The following PTPRN2 variants were observed in gnomAD, a reference collection of about 807,000 sequenced individuals.
The protein encoded by PTPRN2 is protein tyrosine phosphatase receptor type N2.
In PTPRN2, 74 loss-of-function variants were observed where a neutral mutation model predicts 118.8. The ratio of observed to expected loss-of-function variants is 0.62; its 90% CI spans 0.52 to 0.76. The LOEUF is 0.76. Among genes scored for constraint, PTPRN2 ranks in the 30% least tolerant of loss-of-function variants. The probability of loss-of-function intolerance (pLI) is 0.00; values close to 1 mark genes in which losing one functional copy is unlikely to be tolerated. For synonymous variants in PTPRN2, 641 were observed against 608.0 expected (o/e 1.05, Z -0.80); for missense variants, 1,481 against 1,394.4 (o/e 1.06, Z -0.99).
At chr7:158,196,562 C>T (rs898699942) in intron 4 of PTPRN2, among the ~76,000 whole-genome samples, 3 of 129,990 alleles carry the variant, frequency 2.3e-5, no homozygotes, top group Non-Finnish European at 4.8e-5. Context: ...CGGCCAAACC[C>T]GTCTCTTCAC....
At chr7:158,200,284 T>C (rs1826531375) in intron 4 of PTPRN2, among the ~76,000 whole-genome samples, 1 of 152,210 alleles carries the variant, frequency 6.6e-6, no homozygotes, top group African/African-American at 2.4e-5. Flanking sequence ...CCTACTCATT[T>C]AGGAAAATGG....
intron 14 of PTPRN2, among the ~76,000 whole-genome samples, chr7:157,642,462 G>A (rs1362791567): frequency 6.6e-6 from 1 of 152,200 alleles, no homozygotes; most frequent in Middle Eastern, 3.2e-3. Context: ...TAAACCTGCA[G>A]ATGCAGGAGT....
At chr7:158,092,061 G>A (rs1585410598) in intron 10 of PTPRN2, among the ~76,000 whole-genome samples, 1 of 146,966 alleles carries the variant, frequency 6.8e-6, no homozygotes, top group Non-Finnish European at 1.5e-5. Flanking sequence ...GTGATGGATA[G>A]GTAGAGAGAT....
chr7:157,999,171 G>A (rs1028262301), intron 11 of PTPRN2, among the ~76,000 whole-genome samples: 4 of 151,994 alleles, frequency 2.6e-5, no homozygotes, highest in Non-Finnish European at 4.4e-5. Context: ...TGCACTGACC[G>A]GCTTTTATTT....
intron 13 of PTPRN2, among the ~76,000 whole-genome samples, chr7:157,672,582 T>C (rs1477886678): frequency 6.6e-6 from 1 of 152,200 alleles, no homozygotes; most frequent in Non-Finnish European, 1.5e-5. Flanking sequence ...TGCGTTATTG[T>C]CCACTCTCCT....
intron 6 of PTPRN2, among the ~76,000 whole-genome samples, chr7:158,149,159 T>A (rs1820610333): frequency 6.6e-6 from 1 of 150,666 alleles, no homozygotes; most frequent in Non-Finnish European, 1.5e-5. Context: ...TCCCCCTCAG[T>A]GACACCCCAT....
intron 3 of PTPRN2, among the ~76,000 whole-genome samples, chr7:158,230,556 T>C (rs532938596): frequency 1.3e-5 from 2 of 152,322 alleles, no homozygotes; most frequent in East Asian, 3.9e-4. Context: ...TTTCATTTTT[T>C]TCTTTGTTTC....
In PTPRN2 at chr7:157,999,362, G is replaced by A. The variant is rs901235354; in HGVS notation, c.1723+81936C>T. Among the ~76,000 whole-genome samples, 7 of 152,144 alleles carry A rather than the reference G, an allele frequency of 4.6e-5. No homozygotes were observed. The East Asian group carries it at 7.7e-4, about 17-fold the overall frequency. On this transcript the variant is annotated intron_variant, in intron 11 of 22. Transcript: ENST00000389418. ...ATTAGTTTCATGGTGACTGAGCACC[G>A]TGTGCTGCCCGAATTTCTCACCAAC... is the stretch of plus-strand genomic sequence containing the variant.
intron 1 of PTPRN2, among the ~76,000 whole-genome samples, chr7:158,530,191 T>G (rs1253914099): frequency 1.3e-5 from 2 of 152,164 alleles, no homozygotes; most frequent in Non-Finnish European, 2.9e-5. Flanking sequence ...TCAAAGCCTG[T>G]CGATCCAAAA....
chr7:158,270,839 C>T (rs1798351957), intron 3 of PTPRN2, among the ~76,000 whole-genome samples: 1 of 44,444 alleles, frequency 2.3e-5, no homozygotes, highest in South Asian at 1.2e-3. Flanking sequence ...TGGATGACCC[C>T]CTCACCTGGA....
chr7:157,746,193 A>G (rs1800921563), intron 12 of PTPRN2, among the ~76,000 whole-genome samples: 2 of 126,848 alleles, frequency 1.6e-5, no homozygotes, highest in Admixed American at 1.9e-4. Flanking sequence ...GGCCTCCCCT[A>G]GACCCCACAG....
chr7:158,089,634 A>C (rs55916037), intron 10 of PTPRN2, among the ~76,000 whole-genome samples: 2 of 112,922 alleles, frequency 1.8e-5, no homozygotes, highest in East Asian at 2.9e-4. Flanking sequence ...TCTTCACACA[A>C]ACCTTCTTCC....
intron 14 of PTPRN2, 132 bp downstream of exon 14, chr7:157,656,225 C>T (rs1806076004): frequency 1.1e-6 from 1 of 896,204 alleles, no homozygotes; most frequent in Non-Finnish European, 1.7e-6. Flanking sequence ...CTGTCAGCCT[C>T]TGCAGCGGGC....
chr7:157,795,161 C>T (rs1408601807), intron 12 of PTPRN2, among the ~76,000 whole-genome samples: 14 of 81,582 alleles, frequency 1.7e-4, no homozygotes, highest in African/African-American at 6.3e-4. Context: ...TCGGCGGGGT[C>T]GGGGGCGGGG....
intron 22 of PTPRN2, among the ~76,000 whole-genome samples, chr7:157,544,120 TGGAGAGAGGCGGAGAGAGGC>T (rs764262396): frequency 8.4e-5 from 11 of 131,356 alleles, no homozygotes; most frequent in African/African-American, 3.0e-4. Flanking sequence ...TGGAGAGAGA[TGGAGAGAGGCGGAGAGAGGC>T]GGAGAGAGAC....
At chr7:158,340,766 ACT>A (rs147079627) in intron 2 of PTPRN2, among the ~76,000 whole-genome samples, 2,755 of 81,720 alleles carry the variant, frequency 0.034, 888 homozygotes, top group African/African-American at 0.13. Context: ...ACACACCCAC[ACT>A]CTCACCATAA....
rs932741037 is a variant in PTPRN2, at chr7:157,785,748, G to A, written c.1789-102811C>T. Among the ~76,000 whole-genome samples the A allele has an allele frequency of 1.1e-4, 17 of 152,262 alleles. No homozygotes were observed. Among genetic ancestry groups the A allele is most frequent in the African/African-American group, 2.6e-4 (11 of 41,552 alleles). ...AGCATGGCGGGAGGGGAGAAGAATC[G>A]CGATCCTTTCCAGGTACACAGTCTA... On this transcript the variant is annotated intron_variant, in intron 12 of 22. Transcript: ENST00000389418. The surrounding 1 kb of genome is among the most constrained non-coding windows in gnomAD (Gnocchi z 7.3).
chr7:157,552,873 G>A (rs531688528), intron 21 of PTPRN2, among the ~76,000 whole-genome samples: 3 of 152,310 alleles, frequency 2.0e-5, no homozygotes, highest in East Asian at 3.9e-4. Flanking sequence ...CTTTCCTCCC[G>A]TTTCCAGGGT....
At chr7:157,594,523 G>A (rs993620463) in intron 17 of PTPRN2, among the ~76,000 whole-genome samples, 5 of 152,198 alleles carry the variant, frequency 3.3e-5, no homozygotes, top group African/African-American at 7.2e-5. Context: ...TCCCACCTTC[G>A]TCCCCAGCTC....
Sources: allele counts gnomAD v4.1 joint callset (sites outside exome capture counted in the v4.1 genomes callset), GRCh38; gene constraint gnomAD v4.1.1; non-coding constraint Gnocchi (gnomAD v3.1); transcripts MANE v1.5; gene names NCBI Gene and HGNC (gene_info 2026-07-23, HGNC 2026-07-21).